ZBTB14: variants seen among roughly 807,000 people sequenced by gnomAD.
The protein encoded by ZBTB14 is zinc finger and BTB domain containing 14, also known as zinc finger and BTB domain-containing protein 14.
Under a neutral mutation model 29.5 loss-of-function variants are expected in ZBTB14, and 8 were observed. That is an observed-to-expected ratio of 0.27 (90% CI 0.16 to 0.49). The LOEUF (loss-of-function observed/expected upper bound fraction) is 0.49. Among genes scored for constraint, ZBTB14 ranks in the 20% least tolerant of loss-of-function variants. ZBTB14 has a pLI of 0.99. For missense variants in ZBTB14, 333 were observed against 563.8 expected, an observed-to-expected ratio of 0.59 and a Z score of 4.15; for synonymous variants, 226 against 207.2, an observed-to-expected ratio of 1.09 and a Z score of -0.78.
intron 2 of ZBTB14, chr18:5,293,681 C>A (rs2143250101): frequency 6.3e-6 from 1 of 157,938 alleles, no homozygotes; most frequent in African/African-American, 2.4e-5. Flanking sequence ...GTGCCCCCTA[C>A]ACCTATCCCA....
At position 5,295,650 on chromosome 18, in the gene ZBTB14, A is replaced by G. The variant is rs1482072479; in HGVS notation, c.-112+2T>C. ...CTGGCCCACGCCCGTCCCCGCTCGCACCGCGCCGCGCCGCTGGCGGCCGCC... is the reference window on the plus strand; with the variant it reads ...CTGGCCCACGCCCGTCCCCGCTCGCGCCGCGCCGCGCCGCTGGCGGCCGCC... On this transcript the variant is annotated splice_donor_variant, in intron 1 of 3. Coordinates refer to ENST00000651870, the MANE Select transcript of ZBTB14 (RefSeq NM_001243702.2). LOFTEE classifies it low-confidence loss of function (5UTR_SPLICE). 2 of 141,194 alleles carry G rather than the reference A, an allele frequency of 1.4e-5. No individual in the cohort carries two copies. The highest frequency in any genetic ancestry group is 7.0e-5 in the Admixed American group (1 of 14,344). 8.7% of individuals were successfully genotyped at this position (141,194 alleles called of 1,614,324 possible). A position where few individuals can be genotyped will look rare whatever the true frequency, so the allele number is the denominator to read the frequency against.
intron 2 of ZBTB14, 80 bp downstream of exon 2, chr18:5,293,892 G>A (rs977439174): frequency 2.0e-5 from 3 of 152,196 alleles, no homozygotes; most frequent in Non-Finnish European, 1.5e-5. Flanking sequence ...GATTGTATTT[G>A]ATAAATCCAG....
rs1357577259 is a variant in ZBTB14, at chr18:5,295,231, G to A, written c.-112+421C>T. Among the ~76,000 whole-genome samples the A allele has an allele frequency of 3.5e-5, 5 of 144,778 alleles. No homozygotes were observed. In the East Asian group the frequency reaches 8.3e-4, roughly 24 times the overall value. The allele number at this position is 144,778 out of a possible 152,430, so 95.0% of individuals were successfully genotyped here. A position where few individuals can be genotyped will look rare whatever the true frequency, so the allele number is the denominator to read the frequency against. ...CTCCGCCCGCGAGCCCGGAGCTCGC[G>A]CCCCGCGCACTCCCCGGCCAGCTCG... On this transcript the variant is annotated intron_variant, in intron 1 of 3. Transcript: ENST00000651870.
In ZBTB14 at chr18:5,290,730, T is replaced by TGCC; in HGVS notation, c.*125_*127dup. ...GTCTTAAAAATAGCTAACCAAGCAC[T>TGCC]GCCTTAAGTCCAGTGAGTACAATGT... On this transcript the variant is annotated 3_prime_UTR_variant, in exon 4 of 4. Coordinates refer to ENST00000651870, the MANE Select transcript of ZBTB14 (RefSeq NM_001243702.2). 1 of 1,403,024 alleles carries TGCC rather than the reference T, an allele frequency of 7.1e-7. No homozygotes were observed. 86.9% of individuals were successfully genotyped at this position (1,403,024 alleles called of 1,614,324 possible).
At position 5,289,283 on chromosome 18, in the gene ZBTB14, T is replaced by TA. The variant is rs1282163049; in HGVS notation, c.*1574dup. On this transcript the variant is annotated 3_prime_UTR_variant, in exon 4 of 4. Coordinates refer to ENST00000651870, the MANE Select transcript of ZBTB14 (RefSeq NM_001243702.2). ...CCAATAACTAAAATTTTTAAAAAGG[T>TA]AGCATCTTCATCCTAACATCTTGGG... The TA allele has an allele frequency of 1.3e-5, 2 of 152,172 alleles. No homozygotes were observed. Among genetic ancestry groups the TA allele is most frequent in the Non-Finnish European group, 2.9e-5 (2 of 68,018 alleles). The allele number at this position is 152,172 out of a possible 1,614,324, so 9.4% of individuals were successfully genotyped here.
intron 2 of ZBTB14, among the ~76,000 whole-genome samples, 154 bp downstream of exon 2, chr18:5,293,818 A>G (rs535161276): frequency 6.6e-6 from 1 of 152,362 alleles, no homozygotes; most frequent in Admixed American, 6.5e-5. Context: ...AGGAGAGGGA[A>G]CAATGATTGC....
At chr18:5,294,293 T>C (rs2071888782) in intron 1 of ZBTB14, among the ~76,000 whole-genome samples, 1 of 152,192 alleles carries the variant, frequency 6.6e-6, no homozygotes, top group Admixed American at 6.5e-5. Flanking sequence ...CTCTATTCCC[T>C]AGAAGCACCC....
intron 1 of ZBTB14, among the ~76,000 whole-genome samples, chr18:5,295,261 G>C (rs935839373): frequency 6.9e-6 from 1 of 144,720 alleles, no homozygotes; most frequent in Non-Finnish European, 1.5e-5. Flanking sequence ...AGCTCGCGCC[G>C]GGCCCTCCCC....
At position 5,293,292 on chromosome 18, in the gene ZBTB14, C is replaced by G. The variant is rs781502757; in HGVS notation, c.-46G>C. On this transcript the variant is annotated 5_prime_UTR_variant, in exon 3 of 4. The change abolishes the stop of an existing upstream ORF in the 5' untranslated region. Transcript: ENST00000651870. ...TTAATGCCTTGAACGCCAAAATCTTCAGATCAGAGTAACTCTGATCAGGAG... is the reference window on the plus strand; with the variant it reads ...TTAATGCCTTGAACGCCAAAATCTTGAGATCAGAGTAACTCTGATCAGGAG... 6.8e-6 allele frequency: 11 copies of G among 1,611,456 alleles called. No individual in the cohort carries two copies. In the South Asian group the frequency reaches 1.2e-4, roughly 18 times the overall value.
chr18:5,296,077 G>C (rs2071956668), upstream of ZBTB14: 1 of 151,654 alleles, frequency 6.6e-6, no homozygotes, highest in South Asian at 2.1e-4. Flanking sequence ...TGCGCGGTGC[G>C]GGCTGGGGGG....
chr18:5,292,494 A>T (rs2071839222), intron 3 of ZBTB14, among the ~76,000 whole-genome samples: 1 of 152,240 alleles, frequency 6.6e-6, no homozygotes. Flanking sequence ...CCTCATGAGT[A>T]CGTATCACTA....
At chr18:5,295,394 G>C (rs2071930540) in intron 1 of ZBTB14, among the ~76,000 whole-genome samples, 1 of 144,892 alleles carries the variant, frequency 6.9e-6, no homozygotes. Flanking sequence ...TAGGCGGCGC[G>C]GCGGGGCCCG....
At chr18:5,295,570 G>C (rs1185973710) in intron 1 of ZBTB14, 82 bp downstream of exon 1, 2 of 143,684 alleles carry the variant, frequency 1.4e-5, no homozygotes, top group African/African-American at 5.0e-5. Context: ...GCCGCTCCCC[G>C]AGCCCGCTCG....
chr18:5,295,243 C>G (rs960713184), intron 1 of ZBTB14, among the ~76,000 whole-genome samples: 1 of 145,048 alleles, frequency 6.9e-6, no homozygotes, highest in African/African-American at 2.5e-5. Context: ...CCCGCGCACT[C>G]CCCGGCCAGC....
At chr18:5,295,277 T>TC (rs1273746095) in intron 1 of ZBTB14, among the ~76,000 whole-genome samples, 3 of 143,456 alleles carry the variant, frequency 2.1e-5, no homozygotes, top group Non-Finnish European at 4.6e-5. Flanking sequence ...TCCCCCGCCC[T>TC]CCCGCGGCCG....
chr18:5,290,281 CAAAAACAGTG>C lies in ZBTB14; in HGVS notation c.*567_*576del, dbSNP rs1186690479. On this transcript the variant is annotated 3_prime_UTR_variant, in exon 4 of 4. Transcript: ENST00000651870. The stretch of plus-strand genomic sequence containing the variant: ...CAGCAAAGCAACCATTATTTGTCCA[CAAAAACAGTG>C]AAAAACAGTGATATAAAATTAACAA... The C allele has an allele frequency of 6.6e-6, 1 of 152,442 alleles. No individual in the cohort carries two copies. The highest frequency in any genetic ancestry group is 1.5e-5 in the Non-Finnish European group (1 of 68,280). The allele number at this position is 152,442 out of a possible 1,614,324, so 9.4% of individuals were successfully genotyped here.
At position 5,290,257 on chromosome 18, in the gene ZBTB14, A is replaced by G. The variant is rs898158675; in HGVS notation, c.*601T>C. ...AATCAAGATTGAGGAAGAACACTTC[A>G]GCAAAGCAACCATTATTTGTCCACA... is the stretch of plus-strand genomic sequence containing the variant. On this transcript the variant is annotated 3_prime_UTR_variant, in exon 4 of 4. Transcript: ENST00000651870. 6.6e-6 allele frequency: 1 copy of G among 152,544 alleles called. No homozygotes were observed. Among genetic ancestry groups the G allele is most frequent in the Non-Finnish European group, 1.5e-5 (1 of 68,302 alleles). 9.4% of individuals were successfully genotyped at this position (152,544 alleles called of 1,614,324 possible). A position where few individuals can be genotyped will look rare whatever the true frequency, so the allele number is the denominator to read the frequency against.
chr18:5,295,080 G>A (rs1464426747), intron 1 of ZBTB14, among the ~76,000 whole-genome samples: 1 of 151,414 alleles, frequency 6.6e-6, no homozygotes, highest in Non-Finnish European at 1.5e-5. Flanking sequence ...CAGACGTCGA[G>A]CGCAGGCTTG....
In ZBTB14 at chr18:5,291,468, T is replaced by C. The variant is rs1401941472; in HGVS notation, c.740A>G (p.Glu247Gly). The C allele has an allele frequency of 6.2e-7, 1 of 1,614,084 alleles. No individual in the cohort carries two copies. Among genetic ancestry groups the C allele is most frequent in the African/African-American group, 1.3e-5 (1 of 74,926 alleles). ...GCCTGGTGTCTGTTCATCTTTCACT[T>C]CACTCATCCCATCATTAAATGTTAA... ...QALTFNDGMS[E>G]VKDEQTPGWT... Residue 247 changes from glutamate (E) to glycine (G), a missense_variant, in exon 4 of 4, where the codon GAA becomes GGA. Glu to Gly is a moderately conservative substitution (Grantham distance 98, BLOSUM62 -2). This residue lies in a region of ZBTB14 where 140 missense variants were observed against 274.6 expected (regional missense o/e 0.51). Coordinates refer to ENST00000651870, the MANE Select transcript of ZBTB14 (RefSeq NM_001243702.2). This position sits in a 1 kb window ranked among gnomAD's most constrained non-coding sequence, Gnocchi z 5.8.
Sources: allele counts gnomAD v4.1 joint callset (sites outside exome capture counted in the v4.1 genomes callset), GRCh38; gene constraint gnomAD v4.1.1; regional missense constraint gnomAD v4.1.1; non-coding constraint Gnocchi (gnomAD v3.1); transcripts MANE v1.5; gene names NCBI Gene and HGNC (gene_info 2026-07-23, HGNC 2026-07-21).